Variants in RBBP8NL observed in about 807,000 individuals in gnomAD.
RBBP8NL encodes the protein RBBP8 N-terminal like, also known as RBBP8 N-terminal-like protein.
A neutral mutation model predicts 62.2 loss-of-function variants in RBBP8NL; 59 were observed. The ratio of observed to expected loss-of-function variants is 0.95; its 90% CI spans 0.77 to 1.18. RBBP8NL has a LOEUF of 1.18. Among genes scored for constraint, RBBP8NL ranks in the 50% most tolerant of loss-of-function variants. RBBP8NL has a pLI of 0.00. For missense variants in RBBP8NL, 896 were observed against 899.5 expected, an observed-to-expected ratio of 1.00 and a Z score of 0.05; for synonymous variants, 412 against 394.1, an observed-to-expected ratio of 1.05 and a Z score of -0.54.
chr20:62,426,271 C>G (rs1411596772), intron 1 of RBBP8NL, among the ~76,000 whole-genome samples: 1 of 152,254 alleles, frequency 6.6e-6, no homozygotes, highest in Non-Finnish European at 1.5e-5. Flanking sequence ...CCACACCAGG[C>G]TTTTTCCCAC....
At chr20:62,420,628 C>T (rs939168879) in intron 1 of RBBP8NL, among the ~76,000 whole-genome samples, 22 of 152,218 alleles carry the variant, frequency 1.4e-4, no homozygotes, top group African/African-American at 4.8e-4. Flanking sequence ...ATGCTGACAA[C>T]AAAGCTGTGC....
rs537730596 is a variant in RBBP8NL, at chr20:62,420,349, G to GGC, written c.-83-621_-83-620dup. On this transcript the variant is annotated intron_variant, in intron 1 of 13. Coordinates refer to ENST00000252998, the MANE Select transcript of RBBP8NL (RefSeq NM_080833.3). The stretch of plus-strand genomic sequence containing the variant: ...GTGGCAGCTTCAATCCTGTCCCACA[G>GGC]GCACACACACACACACACACACACA... 1.3e-3 allele frequency among the ~76,000 whole-genome samples: 139 copies of GGC among 106,436 alleles called. 1 individual carries two copies. In the South Asian group the frequency reaches 0.022, roughly 17 times the overall value. 69.8% of individuals were successfully genotyped at this position (106,436 alleles called of 152,430 possible). A position where few individuals can be genotyped will look rare whatever the true frequency, so the allele number is the denominator to read the frequency against.
chr20:62,410,909 G>A lies in RBBP8NL; in HGVS notation c.1964C>T (p.Ser655Phe), dbSNP rs750356598. 2.5e-6 allele frequency: 4 copies of A among 1,613,238 alleles called. No individual in the cohort carries two copies. The highest frequency in any genetic ancestry group is 2.2e-5 in the South Asian group (2 of 91,080). The change falls in exon 14 of 14, where the codon TCC becomes TTC. Residue 655 changes from serine to phenylalanine, a missense_variant. Coordinates refer to ENST00000252998, the MANE Select transcript of RBBP8NL (RefSeq NM_080833.3). Reference protein sequence around the residue: ...SPRDAEDHSPSPNSSPWEET With the variant: ...SPRDAEDHSPFPNSSPWEET Reference sequence around the variant, plus strand: ...CTCCTCCCAGGGGCTGCTGTTGGGGGAGGGACTGTGGTCCTCGGCGTCCCT... The same window carrying A: ...CTCCTCCCAGGGGCTGCTGTTGGGGAAGGGACTGTGGTCCTCGGCGTCCCT...
In RBBP8NL at chr20:62,415,220, C is replaced by T; in HGVS notation, c.695G>A (p.Cys232Tyr). 4 of 1,534,614 alleles carry T rather than the reference C, an allele frequency of 2.6e-6. No individual in the cohort carries two copies. Among genetic ancestry groups the T allele is most frequent in the Non-Finnish European group, 3.5e-6 (4 of 1,142,218 alleles). ...ATTGGCGGGGCCTCGGTCGGCAGGGCAAGCCTGGGACCCAGGCCGCACCAC... is the reference window on the plus strand; with the variant it reads ...ATTGGCGGGGCCTCGGTCGGCAGGGTAAGCCTGGGACCCAGGCCGCACCAC... Reference protein sequence around the residue: ...IAVVRPGSQACPADRGPANGT... With the variant: ...IAVVRPGSQAYPADRGPANGT... The change falls in exon 9 of 14, where the codon TGC becomes TAC. Residue 232 changes from cysteine to tyrosine, a missense_variant. By Grantham distance (194) the Cys-to-Tyr change is radical (BLOSUM62 -2). Transcript: ENST00000252998.
In RBBP8NL at chr20:62,417,310, C is replaced by T. The variant is rs1988591269; in HGVS notation, c.114G>A (p.Gln38=). 1 of 1,594,604 alleles carries T rather than the reference C, an allele frequency of 6.3e-7. No homozygotes were observed. The highest frequency in any genetic ancestry group is 8.5e-7 in the Non-Finnish European group (1 of 1,170,732). Residue 38 remains glutamine, a synonymous_variant, in exon 4 of 14, where the codon CAG becomes CAA. Transcript: ENST00000252998. ...TCTTGGAGAAGAGCTCCTCGATCCT[C>T]TGGGCGTCCCTGTGGTGGGAAACAG... is the stretch of plus-strand genomic sequence containing the variant. ...ELNSERCRDA[Q]RIEELFSKNH...
In RBBP8NL at chr20:62,416,742, C is replaced by T; in HGVS notation, c.313+18G>A. 1 of 1,547,418 alleles carries T rather than the reference C, an allele frequency of 6.5e-7. No homozygotes were observed. The highest frequency in any genetic ancestry group is 2.4e-5 in the East Asian group (1 of 42,398). The stretch of plus-strand genomic sequence containing the variant: ...CCCCGTGGGAGAGGACCCCGGTTGT[C>T]TGGTGGGTGGGGCTCACTGAGGATG... On this transcript the variant is annotated intron_variant, in intron 5 of 13. Coordinates refer to ENST00000252998, the MANE Select transcript of RBBP8NL (RefSeq NM_080833.3).
intron 2 of RBBP8NL, 76 bp downstream of exon 2, chr20:62,419,511 C>A (rs1392238603): frequency 1.4e-6 from 2 of 1,475,688 alleles, no homozygotes; most frequent in Non-Finnish European, 1.9e-6. Context: ...CATGGGTGCA[C>A]AGTGGCCTGC....
At chr20:62,415,326 G>T in intron 8 of RBBP8NL, 39 bp from the exon 9 acceptor site, 1 of 1,537,676 alleles carries the variant, frequency 6.5e-7, no homozygotes, top group Non-Finnish European at 8.7e-7. Flanking sequence ...GGGGGCATGC[G>T]TGGCCTCTGC....
intron 1 of RBBP8NL, among the ~76,000 whole-genome samples, chr20:62,426,377 C>T (rs1601493489): frequency 6.6e-6 from 1 of 152,372 alleles, no homozygotes; most frequent in African/African-American, 2.4e-5. Context: ...CCAAGGGATT[C>T]CCCTGCCCCT....
chr20:62,423,415 C>A (rs955952535), intron 1 of RBBP8NL, among the ~76,000 whole-genome samples: 9 of 152,238 alleles, frequency 5.9e-5, no homozygotes, highest in African/African-American at 1.9e-4. Context: ...CAAGGGGGCC[C>A]CTGGGAGGAA....
Position 62,413,978 on chromosome 20 carries a change from G to C in RBBP8NL, c.1373C>G (p.Pro458Arg), listed in dbSNP as rs764192442. 1.5e-5 allele frequency: 23 copies of C among 1,571,466 alleles called. No homozygotes were observed. Among genetic ancestry groups the C allele is most frequent in the Non-Finnish European group, 1.8e-5 (21 of 1,159,780 alleles). Residue 458 changes from proline (P) to arginine (R), a missense_variant, in exon 10 of 14, where the codon CCG (proline) becomes CGG (arginine). Physicochemically the swap from Pro to Arg is moderately radical, Grantham distance 103. Coordinates refer to ENST00000252998, the MANE Select transcript of RBBP8NL (RefSeq NM_080833.3). ...GRARGQDTPK[P>R]AGQHGSLSPA... is the part of the protein sequence containing the mutation. ...GCTGAGTGACCCATGCTGGCCGGCC[G>C]GCTTGGGAGTGTCCTGGCCCCGGGC...
intron 13 of RBBP8NL, among the ~76,000 whole-genome samples, chr20:62,412,356 C>T (rs965080873): frequency 2.0e-5 from 3 of 152,212 alleles, no homozygotes; most frequent in Non-Finnish European, 4.4e-5. Context: ...CTAATGTCAG[C>T]CCCCTTACAG....
intron 1 of RBBP8NL, among the ~76,000 whole-genome samples, chr20:62,426,138 G>GGTAGCA (rs1267457730): frequency 5.9e-5 from 9 of 151,450 alleles, no homozygotes; most frequent in African/African-American, 1.9e-4. Context: ...CAGTGGCAGT[G>GGTAGCA]GTAGCAGTAG....
rs373250283 is a variant in RBBP8NL, at chr20:62,413,363, C to T, written c.1675+38G>A. On this transcript the variant is annotated intron_variant, in intron 11 of 13. Transcript: ENST00000252998. ...ACCCTCTCTCTCCGTGGGGAAAACA[C>T]CTCCCAGCTGGACTCTGACCCCAGG... is the stretch of plus-strand genomic sequence containing the variant. 5.1e-3 allele frequency: 7,071 copies of T among 1,385,474 alleles called. 37 individuals carry two copies. Among genetic ancestry groups the T allele is most frequent in the Middle Eastern group, 0.017 (71 of 4,198 alleles). The allele number at this position is 1,385,474 out of a possible 1,614,324, so 85.8% of individuals were successfully genotyped here. A position where few individuals can be genotyped will look rare whatever the true frequency, so the allele number is the denominator to read the frequency against.
chr20:62,416,146 G>A lies in RBBP8NL; in HGVS notation c.386+18C>T, dbSNP rs1988559524. On this transcript the variant is annotated intron_variant, in intron 6 of 13. Coordinates refer to ENST00000252998, the MANE Select transcript of RBBP8NL (RefSeq NM_080833.3). ...TGGGGAGTTGGGTGTCTGAGCCCTG[G>A]GACCCTTTCCCACTCACCCCAGGCC... is the stretch of plus-strand genomic sequence containing the variant. The A allele has an allele frequency of 6.2e-7, 1 of 1,606,690 alleles. No homozygotes were observed. Among genetic ancestry groups the A allele is most frequent in the Non-Finnish European group, 8.5e-7 (1 of 1,176,050 alleles).
rs1988466427 is a variant in RBBP8NL at position 62,412,855 on chromosome 20, T to C, written c.1721A>G (p.Asp574Gly). ...CTCGCTGCCTGGGGTGTCTGTCTCATCCAGTTCGTCGGACTCTGGTCTCAG... is the reference window on the plus strand; with the variant it reads ...CTCGCTGCCTGGGGTGTCTGTCTCACCCAGTTCGTCGGACTCTGGTCTCAG... Reference protein sequence around the residue: ...EVLRPESDELDETDTPGSEVG... With the variant: ...EVLRPESDELGETDTPGSEVG... The change falls in exon 12 of 14, where the codon GAT (aspartate) becomes GGT (glycine). Residue 574 changes from aspartate to glycine, a missense_variant. Coordinates refer to ENST00000252998, the MANE Select transcript of RBBP8NL (RefSeq NM_080833.3). 6.2e-7 allele frequency: 1 copy of C among 1,613,380 alleles called. No individual in the cohort carries two copies. Among genetic ancestry groups the C allele is most frequent in the African/African-American group, 1.3e-5 (1 of 74,954 alleles).
rs775294881 is a variant in RBBP8NL at position 62,414,114 on chromosome 20, C to G, written c.1237G>C (p.Gly413Arg). Residue 413 changes from glycine to arginine, a missense_variant, in exon 10 of 14, where the codon GGA (glycine) becomes CGA (arginine). Transcript: ENST00000252998. ...RAALAAAGLS[G>R]GRHTQPAGPG... ...CCTGCAGGCTGTGTGTGCCGCCCTC[C>G]AGACAGGCCTGCTGCGGCCAGAGCT... The G allele has an allele frequency of 1.2e-5, 19 of 1,595,724 alleles. No homozygotes were observed. In the South Asian group the frequency reaches 2.0e-4, roughly 17 times the overall value.
chr20:62,425,525 C>T (rs574917849), intron 1 of RBBP8NL, among the ~76,000 whole-genome samples: 2 of 152,362 alleles, frequency 1.3e-5, no homozygotes, highest in South Asian at 4.1e-4. Context: ...CAGGACTGGA[C>T]ATTGTCCGGC....
rs1201687346 is a variant in RBBP8NL at position 62,415,958 on chromosome 20, C to G, written c.387-13G>C. 1.3e-6 allele frequency: 2 copies of G among 1,513,566 alleles called. No individual in the cohort carries two copies. The highest frequency in any genetic ancestry group is 4.9e-5 in the East Asian group (2 of 40,788). The allele number at this position is 1,513,566 out of a possible 1,614,324, so 93.8% of individuals were successfully genotyped here. A position where few individuals can be genotyped will look rare whatever the true frequency, so the allele number is the denominator to read the frequency against. ...CTTGGGCCTGTCTCTAGAGGGGAGG[C>G]AGAGACAGGGAGGGTGAGGGAGAGC... On this transcript the variant is annotated splice_polypyrimidine_tract_variant and intron_variant, in intron 6 of 13. Transcript: ENST00000252998.
Sources: allele counts gnomAD v4.1 joint callset (sites outside exome capture counted in the v4.1 genomes callset), GRCh38; gene constraint gnomAD v4.1.1; transcripts MANE v1.5; gene names NCBI Gene and HGNC (gene_info 2026-07-23, HGNC 2026-07-21).